PLCB4: variants seen among roughly 807,000 people sequenced by gnomAD.
PLCB4 encodes 1-phosphatidylinositol 4,5-bisphosphate phosphodiesterase beta-4.
PLCB4 carries 77 observed loss-of-function variants against 178.8 expected under a neutral mutation model. The observed-to-expected ratio is 0.43, with a 90% CI of 0.36 to 0.52. The LOEUF (loss-of-function observed/expected upper bound fraction) is 0.52. PLCB4 is among the 20% of genes least tolerant of loss of function. PLCB4 has a pLI of 0.00. For missense variants in PLCB4, 1,024 were observed against 1,453.4 expected, an observed-to-expected ratio of 0.70 and a Z score of 4.80; for synonymous variants, 496 against 490.8, an observed-to-expected ratio of 1.01 and a Z score of -0.14.
intron 26 of PLCB4, 44 bp downstream of exon 26, chr20:9,419,953 A>C: frequency 8.7e-7 from 1 of 1,153,394 alleles, no homozygotes; most frequent in African/African-American, 1.5e-5. Flanking sequence ...TGTATACACA[A>C]GTGGTCCTTG....
intron 3 of PLCB4, among the ~76,000 whole-genome samples, chr20:9,286,248 T>C (rs2094535696): frequency 6.6e-6 from 1 of 152,030 alleles, no homozygotes; most frequent in African/African-American, 2.4e-5. Context: ...TTAGGTAGTT[T>C]ATCAATAATC....
chr20:9,073,006 C>T (rs1355160513), intron 1 of PLCB4, among the ~76,000 whole-genome samples: 1 of 152,088 alleles, frequency 6.6e-6, no homozygotes, highest in Non-Finnish European at 1.5e-5. Context: ...TTATCTTCTC[C>T]CCTTTCCTGG....
intron 7 of PLCB4, among the ~76,000 whole-genome samples, chr20:9,352,021 T>G (rs76310875): frequency 0.021 from 3,124 of 152,336 alleles, 116 homozygotes; most frequent in African/African-American, 0.071. Context: ...AAAGTAATGC[T>G]GTCAAAAAAC....
At chr20:9,135,547 C>T (rs2092364850) in intron 2 of PLCB4, among the ~76,000 whole-genome samples, 1 of 151,966 alleles carries the variant, frequency 6.6e-6, no homozygotes, top group African/African-American at 2.4e-5. Context: ...AAGAAATTTC[C>T]AGGCTTGATT....
intron 2 of PLCB4, among the ~76,000 whole-genome samples, chr20:9,135,938 C>G (rs968599826): frequency 1.3e-5 from 2 of 152,104 alleles, no homozygotes; most frequent in Non-Finnish European, 2.9e-5. Context: ...CTCCCCTTAT[C>G]TAAGTTCATT....
chr20:9,075,618 G>A (rs181885960), intron 1 of PLCB4, among the ~76,000 whole-genome samples: 109 of 152,368 alleles, frequency 7.2e-4, no homozygotes, highest in Non-Finnish European at 9.0e-4. Flanking sequence ...GGCTGACCAG[G>A]TGTCAGAGGC....
intron 39 of PLCB4, among the ~76,000 whole-genome samples, chr20:9,477,106 T>C (rs1002728186): frequency 6.6e-6 from 1 of 152,188 alleles, no homozygotes; most frequent in Non-Finnish European, 1.5e-5. Context: ...AATGTTAATA[T>C]GACTCCAATT....
At chr20:9,370,773 G>A (rs553714820) in intron 9 of PLCB4, among the ~76,000 whole-genome samples, 42 of 152,136 alleles carry the variant, frequency 2.8e-4, no homozygotes, top group African/African-American at 1.0e-3. Flanking sequence ...GCCAGGTGTG[G>A]TGGCGTGCAC....
At chr20:9,430,529 T>A (rs935635157) in intron 28 of PLCB4, among the ~76,000 whole-genome samples, 2 of 152,246 alleles carry the variant, frequency 1.3e-5, no homozygotes, top group Non-Finnish European at 2.9e-5. Flanking sequence ...CATGTTAGGA[T>A]CTGGCATCAT....
intron 2 of PLCB4, among the ~76,000 whole-genome samples, chr20:9,110,861 A>T (rs1338068415): frequency 6.6e-6 from 1 of 152,120 alleles, no homozygotes; most frequent in African/African-American, 2.4e-5. Context: ...TGTTATAGAA[A>T]ATTTGGAAAA....
intron 4 of PLCB4, among the ~76,000 whole-genome samples, chr20:9,321,134 C>T (rs934700183): frequency 3.3e-5 from 5 of 152,178 alleles, no homozygotes; most frequent in African/African-American, 7.2e-5. Context: ...ACCCTTGACA[C>T]AGTGCAAAGT....
chr20:9,097,135 A>G (rs2146604431), intron 2 of PLCB4, among the ~76,000 whole-genome samples: 1 of 148,662 alleles, frequency 6.7e-6, no homozygotes, highest in Non-Finnish European at 1.5e-5. Flanking sequence ...GGATTTCACC[A>G]TGTTGGCCAG....
rs145599724 is a variant in PLCB4 at position 9,371,643 on chromosome 20, C to T, written c.585+348C>T. Among the ~76,000 whole-genome samples, 559 of 152,312 alleles carry T rather than the reference C, an allele frequency of 3.7e-3. 4 individuals are homozygous for T. The highest frequency in any genetic ancestry group is 0.013 in the African/African-American group (526 of 41,556). ...ACAGTTTTTATTTTAGAGAAGCTCACCAACACTGCCTCAACCAGGCACAAC... is the reference window on the plus strand; with the variant it reads ...ACAGTTTTTATTTTAGAGAAGCTCATCAACACTGCCTCAACCAGGCACAAC... On this transcript the variant is annotated intron_variant, in intron 10 of 39. Coordinates refer to ENST00000378473, the MANE Select transcript of PLCB4 (RefSeq NM_001377142.1).
intron 1 of PLCB4, among the ~76,000 whole-genome samples, chr20:9,074,252 A>G (rs1312631644): frequency 6.6e-6 from 1 of 152,180 alleles, no homozygotes; most frequent in African/African-American, 2.4e-5. Context: ...ACTGTGAATG[A>G]TACAGGGTAC....
At chr20:9,451,169 T>A (rs1021593531) in intron 32 of PLCB4, among the ~76,000 whole-genome samples, 6 of 152,206 alleles carry the variant, frequency 3.9e-5, no homozygotes, top group Non-Finnish European at 5.9e-5. Flanking sequence ...TGCCCTGCTC[T>A]TGTAGAGCAT....
chr20:9,387,343 C>T, intron 14 of PLCB4, 120 bp from the exon 15 acceptor site: 4 of 571,700 alleles, frequency 7.0e-6, no homozygotes, highest in Non-Finnish European at 6.2e-6. Flanking sequence ...AATCAGGTTA[C>T]TTAATTTATT....
intron 2 of PLCB4, among the ~76,000 whole-genome samples, chr20:9,192,547 A>G (rs1183884895): frequency 3.1e-5 from 4 of 127,148 alleles, no homozygotes; most frequent in Admixed American, 1.7e-4. Flanking sequence ...TTTTTTTGAG[A>G]TAGGGTCCTG....
chr20:9,275,765 ATT>A (rs1335928365), intron 3 of PLCB4, among the ~76,000 whole-genome samples: 2 of 151,992 alleles, frequency 1.3e-5, no homozygotes, highest in African/African-American at 4.8e-5. Flanking sequence ...TGGAGTGCTT[ATT>A]TTGTCCAAGT....
intron 4 of PLCB4, among the ~76,000 whole-genome samples, chr20:9,333,217 G>A (rs1319776845): frequency 6.6e-6 from 1 of 152,042 alleles, no homozygotes; most frequent in African/African-American, 2.4e-5. Flanking sequence ...GATGTGCTAG[G>A]TGCTAGAACA....
Sources: allele counts gnomAD v4.1 joint callset (sites outside exome capture counted in the v4.1 genomes callset), GRCh38; gene constraint gnomAD v4.1.1; transcripts MANE v1.5; gene names NCBI Gene and HGNC (gene_info 2026-07-23, HGNC 2026-07-21).